RIF1: variants seen among roughly 807,000 people sequenced by gnomAD.
RIF1 encodes the protein telomere-associated protein RIF1.
A neutral mutation model predicts 247.1 loss-of-function variants in RIF1; 45 were observed. The ratio of observed to expected loss-of-function variants is 0.18; its 90% CI spans 0.14 to 0.23. RIF1 has a LOEUF of 0.23. Among genes scored for constraint, RIF1 ranks in the 10% least tolerant of loss-of-function variants. The probability of loss-of-function intolerance (pLI) is 1.00; values close to 1 mark genes in which losing one functional copy is unlikely to be tolerated. For missense variants in RIF1, 2,967 were observed against 2,862.5 expected, an observed-to-expected ratio of 1.04 and a Z score of -0.83; for synonymous variants, 1,087 against 978.8, an observed-to-expected ratio of 1.11 and a Z score of -2.06.
chr2:151,438,769 A>T, intron 14 of RIF1, 23 bp downstream of exon 14: 12 of 1,535,110 alleles, frequency 7.8e-6, no homozygotes, highest in Non-Finnish European at 1.1e-5. Context: ...ACACTGATCA[A>T]ATGTTGTTTT....
chr2:151,503,535 A>G, intron 12 of RIF1: 1 of 760,854 alleles, frequency 1.3e-6, no homozygotes, highest in Non-Finnish European at 2.3e-6. Flanking sequence ...AAACTCATAA[A>G]AACAATCTAG....
intron 16 of RIF1, among the ~76,000 whole-genome samples, chr2:151,442,251 T>C (rs1045611993): frequency 7.9e-5 from 12 of 151,526 alleles, no homozygotes; most frequent in Non-Finnish European, 1.8e-4. Flanking sequence ...AATTTTGTAT[T>C]TTTATAGAGA....
intron 16 of RIF1, among the ~76,000 whole-genome samples, chr2:151,442,312 G>T (rs1445979502): frequency 1.3e-5 from 2 of 150,588 alleles, no homozygotes; most frequent in African/African-American, 4.9e-5. Flanking sequence ...AACCTCGGGT[G>T]ATCCCTCCGC....
At chr2:151,506,885 A>G (rs1243435291) in intron 13 of RIF1, 2 of 1,468,548 alleles carry the variant, frequency 1.4e-6, no homozygotes, top group African/African-American at 1.4e-5. Flanking sequence ...TTAGCATTAA[A>G]TGCAAAATAA....
chr2:151,420,715 A>G (rs1247764310), intron 7 of RIF1, among the ~76,000 whole-genome samples: 1 of 145,766 alleles, frequency 6.9e-6, no homozygotes, highest in East Asian at 2.0e-4. Flanking sequence ...AGCCTGGGTG[A>G]CAGAATGAGA....
intron 20 of RIF1, among the ~76,000 whole-genome samples, chr2:151,449,232 T>G (rs573115695): frequency 6.6e-6 from 1 of 152,324 alleles, no homozygotes; most frequent in African/African-American, 2.4e-5. Context: ...CACTTCTTGG[T>G]TACAGTGCTA....
intron 4 of RIF1, among the ~76,000 whole-genome samples, chr2:151,416,218 C>T (rs778064529): frequency 9.2e-5 from 14 of 152,304 alleles, no homozygotes; most frequent in Middle Eastern, 6.8e-3. Flanking sequence ...TGTTAGCAAC[C>T]TAAAGCAGGA....
At chr2:151,498,631 A>C (rs1454060527) in intron 10 of RIF1, among the ~76,000 whole-genome samples, 2 of 152,202 alleles carry the variant, frequency 1.3e-5, no homozygotes, top group African/African-American at 4.8e-5. Context: ...GTGAAAGAGC[A>C]ATTAGTCTTT....
intron 21 of RIF1, among the ~76,000 whole-genome samples, chr2:151,453,741 G>A (rs578004169): frequency 6.6e-6 from 1 of 152,164 alleles, no homozygotes; most frequent in African/African-American, 2.4e-5. Context: ...CCCATTACTG[G>A]TGATGTTAAC....
intron 2 of RIF1, 90 bp downstream of exon 2, chr2:151,410,617 G>T: frequency 9.4e-7 from 1 of 1,068,080 alleles, no homozygotes; most frequent in Non-Finnish European, 1.4e-6. Context: ...GAATGAATGT[G>T]AGTTCTAGAA....
intron 9 of RIF1, among the ~76,000 whole-genome samples, chr2:151,429,401 G>T (rs1043398879): frequency 1.1e-4 from 16 of 152,128 alleles, no homozygotes; most frequent in Non-Finnish European, 1.9e-4. Flanking sequence ...GGCTGGTCTG[G>T]AACTCCTGAC....
intron 10 of RIF1, among the ~76,000 whole-genome samples, chr2:151,433,894 G>A (rs544407385): frequency 2.8e-4 from 42 of 152,010 alleles, no homozygotes; most frequent in Non-Finnish European, 5.4e-4. Flanking sequence ...GAAATCAGCC[G>A]GGCGCGGTGA....
exon 11 of RIF1, chr2:151,499,433 A>AAAAC (rs1472252458): frequency 2.7e-6 from 3 of 1,094,548 alleles, no homozygotes; most frequent in African/African-American, 1.6e-5. Flanking sequence ...AAGAGCAGTC[A>AAAAC]AAACAGCCCT....
At chr2:151,509,744 C>T (rs2072553027), downstream of RIF1, among the ~76,000 whole-genome samples, 2 of 152,186 alleles carry the variant, frequency 1.3e-5, no homozygotes, top group South Asian at 4.1e-4. Context: ...TCTCCTGCCT[C>T]AGGCTTCCGA....
At chr2:151,488,541 G>GA in intron 9 of RIF1, among the ~76,000 whole-genome samples, 1 of 151,956 alleles carries the variant, frequency 6.6e-6, no homozygotes, top group Admixed American at 6.6e-5. Flanking sequence ...AGCTATTCTG[G>GA]TGGCTGAGGC....
At position 151,480,886 on chromosome 2, in the gene RIF1, G is replaced by A. The variant is rs1051819064; in HGVS notation, c.*5815G>A. The A allele has an allele frequency of 4.6e-5, 7 of 152,136 alleles. No individual in the cohort carries two copies. The highest frequency in any genetic ancestry group is 1.7e-4 in the African/African-American group (7 of 41,404). The allele number at this position is 152,136 out of a possible 1,614,324, so 9.4% of individuals were successfully genotyped here. A position where few individuals can be genotyped will look rare whatever the true frequency, so the allele number is the denominator to read the frequency against. The stretch of plus-strand genomic sequence containing the variant: ...CTAAGTTTTTTACAGAGCACAGATT[G>A]GTAAACTAGCATGCCACCTGTTTTT... On this transcript the variant is annotated 3_prime_UTR_variant, in exon 36 of 36. Transcript: ENST00000444746.
the RIF1 span, chr2:151,526,158 C>T: frequency 1.9e-6 from 3 of 1,613,948 alleles, no homozygotes; most frequent in Non-Finnish European, 2.5e-6. Flanking sequence ...TGGGGGTTAC[C>T]TCAGACACCA....
rs1559006040 is a variant in RIF1, at chr2:151,460,123, T to G, written c.3075+4T>G. 7 of 1,531,124 alleles carry G rather than the reference T, an allele frequency of 4.6e-6. No individual in the cohort carries two copies. Among genetic ancestry groups the G allele is most frequent in the Non-Finnish European group, 6.2e-6 (7 of 1,132,742 alleles). 94.8% of individuals were successfully genotyped at this position (1,531,124 alleles called of 1,614,324 possible). Reference sequence around the variant, plus strand: ...AAATATGAAACCAGCAGCCAAAGTATGTTTTCAAAAGTTTAATCAAAAATT... The same window carrying G: ...AAATATGAAACCAGCAGCCAAAGTAGGTTTTCAAAAGTTTAATCAAAAATT... On this transcript the variant is annotated splice_donor_region_variant and intron_variant, in intron 26 of 35. Coordinates refer to ENST00000444746, the MANE Select transcript of RIF1 (RefSeq NM_018151.5).
chr2:151,486,968 T>G (rs1021900289), downstream of RIF1, among the ~76,000 whole-genome samples: 1 of 152,182 alleles, frequency 6.6e-6, no homozygotes, highest in Admixed American at 6.5e-5. Flanking sequence ...AAAATTAGAT[T>G]ATGGAGATGG....
Sources: allele counts gnomAD v4.1 joint callset (sites outside exome capture counted in the v4.1 genomes callset), GRCh38; gene constraint gnomAD v4.1.1; transcripts MANE v1.5; gene names NCBI Gene and HGNC (gene_info 2026-07-23, HGNC 2026-07-21).